Variants in CHSY3 observed in about 807,000 individuals in gnomAD.
CHSY3 encodes the protein N-acetylgalactosaminyl-proteoglycan 3-beta-glucuronosyltransferase 3.
CHSY3 carries 35 observed loss-of-function variants against 67.2 expected under a neutral mutation model. The ratio of observed to expected loss-of-function variants is 0.52; its 90% CI spans 0.40 to 0.69. CHSY3 has a LOEUF of 0.69. CHSY3 is among the 30% of genes least tolerant of loss of function. CHSY3 has a pLI of 0.00. For missense variants in CHSY3, 1,069 were observed against 1,138.5 expected (o/e 0.94, Z 0.88); for synonymous variants, 474 against 434.7 (o/e 1.09, Z -1.12).
chr5:129,931,650 C>T (rs552126256), intron 2 of CHSY3, among the ~76,000 whole-genome samples: 88 of 152,202 alleles, frequency 5.8e-4, no homozygotes, highest in African/African-American at 1.9e-3. Flanking sequence ...CTAAATGATG[C>T]TGTTAGGGTC....
chr5:130,159,161 CT>C (rs33919002), intron 2 of CHSY3, among the ~76,000 whole-genome samples: 32,951 of 97,666 alleles, frequency 0.34, 3,922 homozygotes, highest in Middle Eastern at 0.46. Context: ...TAAGATTTGT[CT>C]TTTTTTTTTT....
At chr5:130,159,161 CTTTTTTTT>C (rs33919002) in intron 2 of CHSY3, among the ~76,000 whole-genome samples, 2 of 98,706 alleles carry the variant, frequency 2.0e-5, no homozygotes, top group Admixed American at 1.3e-4. Flanking sequence ...TAAGATTTGT[CTTTTTTTT>C]TTTTTTTTTT....
intron 2 of CHSY3, among the ~76,000 whole-genome samples, chr5:129,932,831 C>T (rs75782165): frequency 0.011 from 1,703 of 151,928 alleles, 38 homozygotes; most frequent in African/African-American, 0.038. Context: ...ACTTATATAA[C>T]AACATTTTAA....
chr5:130,008,907 A>G (rs1174387411), intron 2 of CHSY3, among the ~76,000 whole-genome samples: 1 of 152,196 alleles, frequency 6.6e-6, no homozygotes, highest in Non-Finnish European at 1.5e-5. Flanking sequence ...CAGTCAGACA[A>G]AAATAAAGAA....
chr5:130,136,640 C>T (rs1371278351), intron 2 of CHSY3, among the ~76,000 whole-genome samples: 2 of 152,090 alleles, frequency 1.3e-5, no homozygotes, highest in African/African-American at 4.8e-5. Flanking sequence ...TTTATTCACT[C>T]CTGAGTCATT....
chr5:130,133,790 A>G (rs1416831465), intron 2 of CHSY3, among the ~76,000 whole-genome samples: 1,695 of 118,244 alleles, frequency 0.014, 18 homozygotes, highest in African/African-American at 0.044. Flanking sequence ...AAAAAAAAAA[A>G]AAAAAGAAAA....
chr5:130,020,461 A>ATAT (rs1371121130), intron 2 of CHSY3, among the ~76,000 whole-genome samples: 1 of 79,890 alleles, frequency 1.3e-5, no homozygotes, highest in African/African-American at 6.1e-5. Context: ...ATATATATAT[A>ATAT]TTTTTTTTTT....
intron 2 of CHSY3, among the ~76,000 whole-genome samples, chr5:129,965,661 G>A (rs537652034): frequency 6.6e-6 from 1 of 151,940 alleles, no homozygotes; most frequent in Admixed American, 6.6e-5. Context: ...CTGGAATCGT[G>A]GGGAGGTTAC....
chr5:130,169,745 A>G (rs759325477), intron 2 of CHSY3, among the ~76,000 whole-genome samples: 7 of 152,030 alleles, frequency 4.6e-5, no homozygotes, highest in Non-Finnish European at 1.0e-4. Flanking sequence ...GCTTTAGCAC[A>G]TTAGTTAAAT....
chr5:130,131,948 G>A (rs1768496747), intron 2 of CHSY3, among the ~76,000 whole-genome samples: 1 of 151,672 alleles, frequency 6.6e-6, no homozygotes, highest in Non-Finnish European at 1.5e-5. Flanking sequence ...TATCTTTAAG[G>A]TCTTACCTAA....
intron 2 of CHSY3, among the ~76,000 whole-genome samples, chr5:129,977,465 A>G (rs530367842): frequency 6.6e-6 from 1 of 152,332 alleles, no homozygotes; most frequent in Non-Finnish European, 1.5e-5. Flanking sequence ...ATATATCTGC[A>G]TTACATAAGT....
At chr5:130,108,005 A>G (rs1462474522) in intron 2 of CHSY3, among the ~76,000 whole-genome samples, 1 of 151,698 alleles carries the variant, frequency 6.6e-6, no homozygotes, top group East Asian at 1.9e-4. Context: ...TAATTTATCA[A>G]CCAACTGTAA....
At chr5:130,167,495 C>A (rs1353011817) in intron 2 of CHSY3, among the ~76,000 whole-genome samples, 1 of 152,036 alleles carries the variant, frequency 6.6e-6, no homozygotes, top group Non-Finnish European at 1.5e-5. Flanking sequence ...TAAAGTAAAT[C>A]TTCTAAGAAA....
intron 2 of CHSY3, among the ~76,000 whole-genome samples, chr5:130,166,573 G>A (rs561500781): frequency 1.3e-5 from 2 of 152,142 alleles, no homozygotes; most frequent in African/African-American, 2.4e-5. Flanking sequence ...ATTTTTGTTA[G>A]CACTATCTTA....
At chr5:130,065,595 A>G (rs890447478) in intron 2 of CHSY3, among the ~76,000 whole-genome samples, 1 of 152,100 alleles carries the variant, frequency 6.6e-6, no homozygotes, top group Non-Finnish European at 1.5e-5. Flanking sequence ...ACAGACTACC[A>G]AAGACTGTCC....
intron 2 of CHSY3, among the ~76,000 whole-genome samples, chr5:130,029,475 A>G (rs1398491145): frequency 6.6e-6 from 1 of 152,114 alleles, no homozygotes; most frequent in Non-Finnish European, 1.5e-5. Flanking sequence ...CAAGCCCTGT[A>G]CTGTTAATGC....
intron 2 of CHSY3, among the ~76,000 whole-genome samples, chr5:130,130,914 G>T (rs78002120): frequency 0.045 from 6,892 of 152,208 alleles, 431 homozygotes; most frequent in East Asian, 0.27. Context: ...CTGTTTTCAT[G>T]ATTCTATCTG....
At position 130,089,817 on chromosome 5, in the gene CHSY3, A is replaced by T. The variant is rs529947656; in HGVS notation, c.1087-94412A>T. ...GGTAAAGGAATTGCAGAGCTCTGTAAATTGGCATCCCTGAAGTCCTGATGA... is the reference window on the plus strand; with the variant it reads ...GGTAAAGGAATTGCAGAGCTCTGTATATTGGCATCCCTGAAGTCCTGATGA... On this transcript the variant is annotated intron_variant, in intron 2 of 2. Coordinates refer to ENST00000305031, the MANE Select transcript of CHSY3 (RefSeq NM_175856.5). Among the ~76,000 whole-genome samples, 4 of 152,276 alleles carry T rather than the reference A, an allele frequency of 2.6e-5. No individual in the cohort carries two copies. In the South Asian group the frequency reaches 8.3e-4, roughly 32 times the overall value.
chr5:129,948,792 A>G (rs1049438006), intron 2 of CHSY3, among the ~76,000 whole-genome samples: 1 of 152,228 alleles, frequency 6.6e-6, no homozygotes, highest in African/African-American at 2.4e-5. Context: ...ACTAGTTTAC[A>G]TCCCCACCAG....
Sources: allele counts gnomAD v4.1 joint callset (sites outside exome capture counted in the v4.1 genomes callset), GRCh38; gene constraint gnomAD v4.1.1; transcripts MANE v1.5; gene names NCBI Gene and HGNC (gene_info 2026-07-23, HGNC 2026-07-21).